The following UNC5D variants were observed in gnomAD, a reference collection of about 807,000 sequenced individuals.
UNC5D encodes the protein unc-5 netrin receptor D, also known as netrin receptor UNC5D.
Under a neutral mutation model 105.4 loss-of-function variants are expected in UNC5D, and 39 were observed. That is an observed-to-expected ratio of 0.37 (90% CI 0.29 to 0.48). The LOEUF is 0.48. UNC5D is among the 20% of genes least tolerant of loss of function. The probability of loss-of-function intolerance (pLI) is 0.98; values close to 1 mark genes in which losing one functional copy is unlikely to be tolerated. For synonymous variants in UNC5D, 452 were observed against 450.4 expected, an observed-to-expected ratio of 1.00 and a Z score of -0.04; for missense variants, 991 against 1,202.4, an observed-to-expected ratio of 0.82 and a Z score of 2.60.
At chr8:35,731,722 G>A (rs575869150) in intron 11 of UNC5D, among the ~76,000 whole-genome samples, 97 of 152,184 alleles carry the variant, frequency 6.4e-4, no homozygotes, top group Non-Finnish European at 9.1e-4. Flanking sequence ...AAATATCCCC[G>A]GAGGCACTCA....
intron 1 of UNC5D, among the ~76,000 whole-genome samples, chr8:35,307,244 T>A (rs560955983): frequency 3.9e-5 from 6 of 152,202 alleles, no homozygotes; most frequent in Non-Finnish European, 8.8e-5. Context: ...GCTTGGCCTA[T>A]CCCATAAGAT....
chr8:35,772,476 T>C (rs1051108418), intron 15 of UNC5D, among the ~76,000 whole-genome samples: 1 of 152,196 alleles, frequency 6.6e-6, no homozygotes, highest in African/African-American at 2.4e-5. Context: ...GTCATGGTTG[T>C]GGTGCCCACA....
At chr8:35,760,792 A>G (rs569232250) in intron 14 of UNC5D, among the ~76,000 whole-genome samples, 17 of 149,504 alleles carry the variant, frequency 1.1e-4, no homozygotes, top group Admixed American at 2.0e-4. Context: ...TTTTTTAACT[A>G]TAGACAGGTA....
intron 1 of UNC5D, among the ~76,000 whole-genome samples, chr8:35,457,487 A>T (rs544604560): frequency 6.6e-6 from 1 of 152,324 alleles, no homozygotes; most frequent in African/African-American, 2.4e-5. Flanking sequence ...TGTTATGGTT[A>T]TGATAGGTAC....
At chr8:35,596,882 C>T (rs972895196) in intron 4 of UNC5D, among the ~76,000 whole-genome samples, 4 of 152,144 alleles carry the variant, frequency 2.6e-5, no homozygotes, top group Non-Finnish European at 4.4e-5. Context: ...CCCAGCTTGA[C>T]TTTTCCCTTT....
At chr8:35,256,802 G>A (rs143473348) in intron 1 of UNC5D, among the ~76,000 whole-genome samples, 83 of 151,826 alleles carry the variant, frequency 5.5e-4, no homozygotes, top group African/African-American at 2.0e-3. Flanking sequence ...GGATATATTG[G>A]ATATAATATG....
chr8:35,425,742 A>G lies in UNC5D; in HGVS notation c.104-123550A>G, dbSNP rs1028165301. On this transcript the variant is annotated intron_variant, in intron 1 of 16. Transcript: ENST00000404895. ...CTGCTCTGCCCTTCAGAGGGAATAT[A>G]TTGGCAGGCTCTGAATTTGTGAGGG... 2.0e-4 allele frequency among the ~76,000 whole-genome samples: 30 copies of G among 152,088 alleles called. 1 individual carries two copies. Among genetic ancestry groups the G allele is most frequent in the Non-Finnish European group, 4.4e-5 (3 of 68,024 alleles).
At chr8:35,755,470 T>TTGTGTGTGTGTG (rs1174658022) in intron 13 of UNC5D, among the ~76,000 whole-genome samples, 9 of 139,758 alleles carry the variant, frequency 6.4e-5, no homozygotes, top group African/African-American at 2.9e-4. Context: ...GCGACATAAT[T>TTGTGTGTGTGTG]TGTGTGTATG....
intron 11 of UNC5D, among the ~76,000 whole-genome samples, chr8:35,741,932 A>C (rs181092505): frequency 6.6e-6 from 1 of 152,312 alleles, no homozygotes; most frequent in Non-Finnish European, 1.5e-5. Flanking sequence ...CTTCCTAAGA[A>C]ATTTTGAAAA....
In UNC5D at chr8:35,646,995, T is replaced by G. The variant is rs571779656; in HGVS notation, c.571-36552T>G. ...CACATTTGTTAACCAATAATTGTAT[T>G]TCCTCAAACATAGATACAGCATTGA... is the stretch of plus-strand genomic sequence containing the variant. On this transcript the variant is annotated intron_variant, in intron 4 of 16. Transcript: ENST00000404895. Among the ~76,000 whole-genome samples the G allele has an allele frequency of 2.0e-5, 3 of 152,232 alleles. No homozygotes were observed. In the South Asian group the frequency reaches 6.2e-4, roughly 32 times the overall value.
intron 1 of UNC5D, among the ~76,000 whole-genome samples, chr8:35,374,550 T>G (rs2128927566): frequency 6.6e-6 from 1 of 152,298 alleles, no homozygotes; most frequent in East Asian, 1.9e-4. Context: ...AGGAGACTAT[T>G]AGGAACTAGC....
At chr8:35,777,641 A>ACTC in intron 16 of UNC5D, among the ~76,000 whole-genome samples, 1 of 152,116 alleles carries the variant, frequency 6.6e-6, no homozygotes, top group East Asian at 1.9e-4. Flanking sequence ...GCAACATTCA[A>ACTC]CTCTGATGCT....
chr8:35,384,816 T>C (rs932923486), intron 1 of UNC5D, among the ~76,000 whole-genome samples: 6 of 152,236 alleles, frequency 3.9e-5, no homozygotes, highest in African/African-American at 2.4e-5. Flanking sequence ...ACTAAAGGTT[T>C]ACACTTTTAC....
At chr8:35,781,656 A>AT (rs1201001078) in intron 16 of UNC5D, among the ~76,000 whole-genome samples, 1 of 152,220 alleles carries the variant, frequency 6.6e-6, no homozygotes, top group Non-Finnish European at 1.5e-5. Flanking sequence ...TATCTAATTT[A>AT]TTAGTGTCCT....
chr8:35,544,441 G>T (rs1815492984), intron 1 of UNC5D: 2 of 1,613,676 alleles, frequency 1.2e-6, no homozygotes, highest in Non-Finnish European at 1.7e-6. Flanking sequence ...ATGTTATCTG[G>T]GGGTGGATGA....
chr8:35,532,792 T>TCATTTCATC (rs1271291475), intron 1 of UNC5D, among the ~76,000 whole-genome samples: 1 of 109,760 alleles, frequency 9.1e-6, no homozygotes, highest in Non-Finnish European at 1.8e-5. Context: ...TTCATTTCAT[T>TCATTTCATC]CATTTCATCT....
chr8:35,520,512 A>C (rs2579891), intron 1 of UNC5D, among the ~76,000 whole-genome samples: 18,356 of 152,154 alleles, frequency 0.12, 1,125 homozygotes, highest in South Asian at 0.16. Flanking sequence ...CTGTGACTAT[A>C]TTAGAACCAT....
intron 1 of UNC5D, among the ~76,000 whole-genome samples, chr8:35,337,986 A>G (rs1203468494): frequency 6.6e-6 from 1 of 152,250 alleles, no homozygotes; most frequent in South Asian, 2.1e-4. Context: ...AATGCAAATG[A>G]TTATATTAAA....
chr8:35,550,671 T>C (rs558164941), intron 2 of UNC5D, among the ~76,000 whole-genome samples: 10 of 152,322 alleles, frequency 6.6e-5, no homozygotes, highest in African/African-American at 2.4e-4. Context: ...CCATGAATGC[T>C]ATGCAGATGA....
Sources: gnomAD v4.1 joint callset for allele counts (sites outside exome capture counted in the v4.1 genomes callset) on GRCh38, gnomAD v4.1.1 for gene constraint, MANE v1.5 for transcripts, NCBI Gene and HGNC (gene_info 2026-07-23, HGNC 2026-07-21) for gene names.